The following MALRD1 variants were observed in gnomAD, a reference collection of about 807,000 sequenced individuals.
MALRD1 encodes MAM and LDL receptor class A domain containing 1, also known as MAM and LDL-receptor class A domain-containing protein 1.
Under a neutral mutation model 242.1 loss-of-function variants are expected in MALRD1, and 247 were observed. That is an observed-to-expected ratio of 1.02 (90% confidence interval 0.92 to 1.13). The LOEUF (loss-of-function observed/expected upper bound fraction) is 1.13, where lower values mean the gene tolerates loss of function less well. Ranked by LOEUF, MALRD1 falls within the 50% of genes most tolerant of loss-of-function variation. The pLI, the probability that MALRD1 is intolerant of heterozygous loss-of-function variation, is 0.00. For synonymous variants in MALRD1, 995 were observed against 866.6 expected (o/e 1.15, Z -2.60); for missense variants, 2,989 against 2,533.1 (o/e 1.18, Z -3.86).
In MALRD1 at chr10:19,341,524, G is replaced by GTATATATATA. The variant is rs750457234; in HGVS notation, c.3902-6246_3902-6237dup. ...TATGTATATATATGTGTGTATATAT[G>GTATATATATA]TATATATATACACACATATATATAC... On this transcript the variant is annotated intron_variant, in intron 24 of 39. Transcript: ENST00000454679. Among the ~76,000 whole-genome samples the GTATATATATA allele has an allele frequency of 3.6e-5, 5 of 138,850 alleles. No individual in the cohort carries two copies. The South Asian group carries it at 6.8e-4, about 19-fold the overall frequency. The allele number at this position is 138,850 out of a possible 152,430, so 91.1% of individuals were successfully genotyped here. A position where few individuals can be genotyped will look rare whatever the true frequency, so the allele number is the denominator to read the frequency against.
intron 14 of MALRD1, among the ~76,000 whole-genome samples, chr10:19,177,789 A>G (rs1378101728): frequency 2.0e-5 from 3 of 152,196 alleles, no homozygotes; most frequent in Admixed American, 2.0e-4. Flanking sequence ...CAGACTGAGC[A>G]GGGAAACTTA....
chr10:19,175,159 A>AT (rs74991688), intron 13 of MALRD1, 49 bp from the exon 14 acceptor site: 127,730 of 1,183,376 alleles, frequency 0.11, 7,156 homozygotes, highest in East Asian at 0.17. Context: ...ATTGTAAGAC[A>AT]TTACTTTTGT....
chr10:19,393,596 C>A (rs1471224551), intron 28 of MALRD1, among the ~76,000 whole-genome samples: 6 of 151,024 alleles, frequency 4.0e-5, no homozygotes, highest in African/African-American at 1.5e-4. Flanking sequence ...CAGGCGCCGG[C>A]CACCACGCCT....
chr10:19,258,412 T>C lies in MALRD1; in HGVS notation c.3079+641T>C, dbSNP rs1296377103. On this transcript the variant is annotated intron_variant, in intron 19 of 39. Coordinates refer to ENST00000454679, the MANE Select transcript of MALRD1 (RefSeq NM_001142308.3). ...GGAGAAACCCATTCTGAGAAGTGCA[T>C]AGTGATCTAAGAAGACTGGAGTTTG... Among the ~76,000 whole-genome samples the C allele has an allele frequency of 2.0e-5, 3 of 152,030 alleles. No homozygotes were observed. In the East Asian group the frequency reaches 5.8e-4, roughly 29 times the overall value.
chr10:19,719,242 A>ACATACATATATATATATG (rs1564567513), intron 38 of MALRD1, among the ~76,000 whole-genome samples: 15 of 119,734 alleles, frequency 1.3e-4, no homozygotes, highest in African/African-American at 3.9e-4. Flanking sequence ...ATATATATAT[A>ACATACATATATATATATG]TATATATATA....
In MALRD1 at chr10:19,404,896, G is replaced by A. The variant is rs182431425; in HGVS notation, c.4845+15287G>A. ...TATATGGTGAGCTCTGAAAATATACGAAATTCTATGCACAGAGAAGAGAAA... is the reference window on the plus strand; with the variant it reads ...TATATGGTGAGCTCTGAAAATATACAAAATTCTATGCACAGAGAAGAGAAA... On this transcript the variant is annotated intron_variant, in intron 28 of 39. Coordinates refer to ENST00000454679, the MANE Select transcript of MALRD1 (RefSeq NM_001142308.3). 2.8e-3 allele frequency among the ~76,000 whole-genome samples: 433 copies of A among 152,144 alleles called. 2 individuals carry two copies. The highest frequency in any genetic ancestry group is 2.5e-3 in the Non-Finnish European group (171 of 67,978).
At chr10:19,440,386 G>A (rs2130983376) in intron 28 of MALRD1, among the ~76,000 whole-genome samples, 1 of 151,860 alleles carries the variant, frequency 6.6e-6, no homozygotes, top group Admixed American at 6.6e-5. Flanking sequence ...GGGTACATGT[G>A]CACAACATAC....
intron 24 of MALRD1, among the ~76,000 whole-genome samples, chr10:19,344,174 G>A (rs1270886756): frequency 6.6e-6 from 1 of 152,012 alleles, no homozygotes; most frequent in Non-Finnish European, 1.5e-5. Flanking sequence ...GAAGTTCAAT[G>A]TATTGATCTT....
chr10:19,117,759 A>T (rs1836922023), intron 5 of MALRD1, among the ~76,000 whole-genome samples: 1 of 152,222 alleles, frequency 6.6e-6, no homozygotes, highest in African/African-American at 2.4e-5. Context: ...GCATTCATAA[A>T]TCATTTCCAT....
chr10:19,348,632 T>G (rs1365845167), intron 25 of MALRD1, among the ~76,000 whole-genome samples: 1 of 152,158 alleles, frequency 6.6e-6, no homozygotes, highest in Non-Finnish European at 1.5e-5. Flanking sequence ...TGTATGGTTC[T>G]TTGGGAAAAG....
At chr10:19,525,542 C>T (rs1001129110) in intron 31 of MALRD1, among the ~76,000 whole-genome samples, 4 of 152,070 alleles carry the variant, frequency 2.6e-5, no homozygotes, top group African/African-American at 9.7e-5. Context: ...AAAATGTGTG[C>T]AACTCTTTTA....
chr10:19,561,048 T>C (rs908972284), intron 32 of MALRD1, among the ~76,000 whole-genome samples: 2 of 152,114 alleles, frequency 1.3e-5, no homozygotes, highest in Non-Finnish European at 2.9e-5. Context: ...CTAATGACAA[T>C]TTGGGAATTG....
At chr10:19,406,891 A>T in intron 28 of MALRD1, among the ~76,000 whole-genome samples, 1 of 152,182 alleles carries the variant, frequency 6.6e-6, no homozygotes, top group East Asian at 1.9e-4. Flanking sequence ...ACTTCTCCAT[A>T]AAAACACAAA....
At chr10:19,300,933 TG>T (rs1000296630) in intron 21 of MALRD1, among the ~76,000 whole-genome samples, 6 of 152,012 alleles carry the variant, frequency 3.9e-5, no homozygotes, top group African/African-American at 1.4e-4. Context: ...ATCTATAGAA[TG>T]GGAGAAAATA....
chr10:19,447,299 A>G (rs372481880), intron 28 of MALRD1, among the ~76,000 whole-genome samples: 1 of 152,056 alleles, frequency 6.6e-6, no homozygotes, highest in East Asian at 1.9e-4. Context: ...AAGGAAATAA[A>G]CCTCCATTCC....
At chr10:19,530,209 G>A (rs1215716010) in intron 31 of MALRD1, among the ~76,000 whole-genome samples, 1 of 150,238 alleles carries the variant, frequency 6.7e-6, no homozygotes, top group Non-Finnish European at 1.5e-5. Flanking sequence ...TGAGGACACA[G>A]GAAACTCTCT....
chr10:19,701,372 C>T (rs1833619266), intron 38 of MALRD1, among the ~76,000 whole-genome samples: 1 of 152,102 alleles, frequency 6.6e-6, no homozygotes, highest in African/African-American at 2.4e-5. Context: ...TCTGGGGAAT[C>T]ATTTTGCAGA....
At chr10:19,515,149 C>G (rs1445665495) in intron 31 of MALRD1, among the ~76,000 whole-genome samples, 1 of 152,032 alleles carries the variant, frequency 6.6e-6, no homozygotes. Flanking sequence ...GCTTTTCTTA[C>G]CAAAAGCATA....
At chr10:19,364,883 C>T (rs1845043526) in intron 26 of MALRD1, among the ~76,000 whole-genome samples, 1 of 152,038 alleles carries the variant, frequency 6.6e-6, no homozygotes, top group Non-Finnish European at 1.5e-5. Context: ...ATTGAGGATT[C>T]TTTCCACATA....
Sources: allele counts gnomAD v4.1 joint callset (sites outside exome capture counted in the v4.1 genomes callset), GRCh38; gene constraint gnomAD v4.1.1; transcripts MANE v1.5; gene names NCBI Gene and HGNC (gene_info 2026-07-23, HGNC 2026-07-21).